UBE2E3: variants seen among roughly 807,000 people sequenced by gnomAD.
UBE2E3 encodes ubiquitin-conjugating enzyme E2 E3.
Under a neutral mutation model 23.6 loss-of-function variants are expected in UBE2E3, and 5 were observed. That is an observed-to-expected ratio of 0.21 (90% CI 0.11 to 0.44). The LOEUF (loss-of-function observed/expected upper bound fraction) is 0.44, where lower values mean the gene tolerates loss of function less well. Ranked by LOEUF, UBE2E3 falls within the 20% of genes least tolerant of loss-of-function variation. UBE2E3 has a pLI of 0.99. For missense variants in UBE2E3, 81 were observed against 249.8 expected (o/e 0.32, Z 4.55); for synonymous variants, 78 against 87.5 (o/e 0.89, Z 0.60).
At chr2:180,987,210 T>C in intron 3 of UBE2E3, 1 of 1,010,082 alleles carries the variant, frequency 9.9e-7, no homozygotes, top group Non-Finnish European at 1.4e-6. Flanking sequence ...TATAAATAAT[T>C]TATACATCAA....
At chr2:180,994,845 A>G (rs1479445793) in intron 3 of UBE2E3, among the ~76,000 whole-genome samples, 1 of 152,228 alleles carries the variant, frequency 6.6e-6, no homozygotes, top group Non-Finnish European at 1.5e-5. Context: ...TATGAGATAC[A>G]CACAAACCTA....
chr2:181,025,501 T>TTGCC (rs10663271), intron 3 of UBE2E3, among the ~76,000 whole-genome samples: 118,226 of 151,456 alleles, frequency 0.78, 46,425 homozygotes, highest in East Asian at 0.91. Flanking sequence ...ACAGGTATAT[T>TTGCC]TGGGATATAT....
chr2:181,017,757 A>G (rs1180542395), intron 3 of UBE2E3, among the ~76,000 whole-genome samples: 1 of 148,040 alleles, frequency 6.8e-6, no homozygotes, highest in African/African-American at 2.5e-5. Context: ...AGTAATAGTT[A>G]GATCTAGTAT....
chr2:180,981,883 G>T, intron 1 of UBE2E3, 135 bp from the exon 2 acceptor site: 1 of 666,480 alleles, frequency 1.5e-6, no homozygotes, highest in Non-Finnish European at 2.5e-6. Context: ...TACCCCTGTT[G>T]TACGATGAAA....
At chr2:180,998,912 C>T (rs1684912536) in intron 3 of UBE2E3, among the ~76,000 whole-genome samples, 1 of 152,078 alleles carries the variant, frequency 6.6e-6, no homozygotes. Context: ...TAACTTTTTT[C>T]AATTTATACT....
intron 3 of UBE2E3, among the ~76,000 whole-genome samples, chr2:181,019,480 T>G (rs970743072): frequency 2.6e-5 from 4 of 152,244 alleles, no homozygotes; most frequent in Non-Finnish European, 4.4e-5. Context: ...TGTTTCATCT[T>G]GTTACTTTGG....
chr2:180,993,647 G>T (rs1358570898), intron 3 of UBE2E3, among the ~76,000 whole-genome samples: 1 of 152,064 alleles, frequency 6.6e-6, no homozygotes, highest in Non-Finnish European at 1.5e-5. Context: ...CCTTTCTGAG[G>T]ATGGTTATTT....
intron 3 of UBE2E3, among the ~76,000 whole-genome samples, chr2:181,003,934 G>C (rs913282107): frequency 2.6e-5 from 4 of 152,142 alleles, no homozygotes; most frequent in African/African-American, 9.7e-5. Flanking sequence ...AAATTCTTCA[G>C]AAATTATATA....
intron 3 of UBE2E3, among the ~76,000 whole-genome samples, chr2:181,011,627 C>T (rs544453707): frequency 6.6e-6 from 1 of 152,214 alleles, no homozygotes; most frequent in South Asian, 2.1e-4. Flanking sequence ...ATAGAAGTGC[C>T]ATTTTAACTG....
chr2:181,002,850 T>C (rs1293927981), intron 3 of UBE2E3, among the ~76,000 whole-genome samples: 1 of 152,236 alleles, frequency 6.6e-6, no homozygotes, highest in African/African-American at 2.4e-5. Context: ...TTATTGTGCA[T>C]AGATTTCAAG....
At chr2:181,022,098 T>A (rs1685721386) in intron 3 of UBE2E3, among the ~76,000 whole-genome samples, 1 of 152,192 alleles carries the variant, frequency 6.6e-6, no homozygotes, top group Non-Finnish European at 1.5e-5. Context: ...TTAACAGTAA[T>A]ATTGGAAAGT....
rs1441160332 is a variant in UBE2E3 at position 181,032,419 on chromosome 2, T to A, written c.246-25274T>A. On this transcript the variant is annotated intron_variant, in intron 3 of 5. Transcript: ENST00000410062. Reference sequence around the variant, plus strand: ...GTTACAAAAAAGTCATTTGACTAACTTATTCAAATGGCCCCTATTTAACGA... The same window carrying A: ...GTTACAAAAAAGTCATTTGACTAACATATTCAAATGGCCCCTATTTAACGA... Among the ~76,000 whole-genome samples, 3 of 152,210 alleles carry A rather than the reference T, an allele frequency of 2.0e-5. No individual in the cohort carries two copies. The East Asian group carries it at 5.8e-4, about 29-fold the overall frequency.
chr2:180,999,593 TA>T (rs1217529716), intron 3 of UBE2E3, among the ~76,000 whole-genome samples: 41 of 152,002 alleles, frequency 2.7e-4, no homozygotes, highest in African/African-American at 9.2e-4. Context: ...TTGCCATACT[TA>T]TTTTTTGTTT....
At chr2:181,000,267 T>C (rs1684951519) in intron 3 of UBE2E3, among the ~76,000 whole-genome samples, 1 of 152,184 alleles carries the variant, frequency 6.6e-6, no homozygotes, top group South Asian at 2.1e-4. Context: ...TAAGTGACAT[T>C]GGGATACATG....
chr2:180,996,192 A>G (rs998440615), intron 3 of UBE2E3, among the ~76,000 whole-genome samples: 2 of 152,212 alleles, frequency 1.3e-5, no homozygotes, highest in African/African-American at 4.8e-5. Flanking sequence ...GTGTATAACA[A>G]TGCGAGTACA....
chr2:181,023,154 A>G (rs1685761269), intron 3 of UBE2E3, among the ~76,000 whole-genome samples: 1 of 152,222 alleles, frequency 6.6e-6, no homozygotes, highest in Admixed American at 6.5e-5. Context: ...ACCCATCCTA[A>G]CATCTGAAAA....
chr2:181,029,192 A>G (rs1685992801), intron 3 of UBE2E3, among the ~76,000 whole-genome samples: 2 of 152,022 alleles, frequency 1.3e-5, no homozygotes, highest in Non-Finnish European at 2.9e-5. Context: ...TCTCTGCACA[A>G]ATAGTACATG....
intron 3 of UBE2E3, among the ~76,000 whole-genome samples, chr2:181,015,164 A>G (rs1488803010): frequency 6.6e-6 from 1 of 152,190 alleles, no homozygotes; most frequent in Non-Finnish European, 1.5e-5. Flanking sequence ...CTGGGAGACA[A>G]CAAAAAGGGT....
intron 3 of UBE2E3, among the ~76,000 whole-genome samples, chr2:181,035,109 A>C (rs182850416): frequency 6.6e-6 from 1 of 152,302 alleles, no homozygotes; most frequent in Admixed American, 6.5e-5. Flanking sequence ...GTTAGTATTC[A>C]TATTTTAAAA....
Sources: gnomAD v4.1 joint callset for allele counts (sites outside exome capture counted in the v4.1 genomes callset) on GRCh38, gnomAD v4.1.1 for gene constraint, MANE v1.5 for transcripts, NCBI Gene and HGNC (gene_info 2026-07-23, HGNC 2026-07-21) for gene names.